Variants in MRPL22 observed in about 807,000 individuals in gnomAD.
The protein encoded by MRPL22 is mitochondrial ribosomal protein L22.
A neutral mutation model predicts 32.4 loss-of-function variants in MRPL22; 27 were observed. That is an observed-to-expected ratio of 0.83 (90% CI 0.61 to 1.15). MRPL22 has a LOEUF of 1.15. MRPL22 is among the 50% of genes most tolerant of loss of function. The pLI, the probability that MRPL22 is intolerant of heterozygous loss-of-function variation, is 0.00. For missense variants in MRPL22, 239 were observed against 260.2 expected, an observed-to-expected ratio of 0.92 and a Z score of 0.56; for synonymous variants, 86 against 87.3, an observed-to-expected ratio of 0.99 and a Z score of 0.08.
chr5:154,966,584 T>C (rs563774003), intron 6 of MRPL22, 102 bp from the exon 7 acceptor site: 18 of 1,232,260 alleles, frequency 1.5e-5, no homozygotes, highest in East Asian at 1.4e-4. Context: ...AGTGAGCCCA[T>C]GTAATCTCAG....
intron 2 of MRPL22, among the ~76,000 whole-genome samples, chr5:154,943,046 G>T (rs1358901945): frequency 6.6e-6 from 1 of 152,140 alleles, no homozygotes; most frequent in African/African-American, 2.4e-5. Flanking sequence ...TGGGGAAAAT[G>T]ACCATAAGAA....
In MRPL22 at chr5:154,941,121, C is replaced by G; in HGVS notation, c.11C>G (p.Ala4Gly). MAA[A>G]VLGQLGALWI... is the part of the protein sequence containing the mutation. ...GCGGGAGGGCGAAAGATGGCGGCGG[C>G]AGTACTGGGACAGTTGGGTAAGGAT... The change falls in exon 1 of 7, where the codon GCA becomes GGA. Residue 4 changes from alanine (A) to glycine (G), a missense_variant. Coordinates refer to ENST00000523037, the MANE Select transcript of MRPL22 (RefSeq NM_014180.4). The G allele has an allele frequency of 6.2e-7, 1 of 1,613,964 alleles. No homozygotes were observed. Among genetic ancestry groups the G allele is most frequent in the Non-Finnish European group, 8.5e-7 (1 of 1,180,034 alleles).
chr5:154,956,418 G>A lies in MRPL22; in HGVS notation c.243G>A (p.Met81Ile). 3 of 1,609,240 alleles carry A rather than the reference G, an allele frequency of 1.9e-6. No individual in the cohort carries two copies. The highest frequency in any genetic ancestry group is 2.6e-6 in the Non-Finnish European group (3 of 1,176,260). Residue 81 changes from methionine (M) to isoleucine (I), a missense_variant, in exon 4 of 7, where the codon ATG (methionine) becomes ATA (isoleucine). Met to Ile is a conservative substitution (Grantham distance 10). Coordinates refer to ENST00000523037, the MANE Select transcript of MRPL22 (RefSeq NM_014180.4). ...AAATAAAATATAGCAAAGACAAGATGTGGTATTTGGCAAAATTGGTAAGCT... is the reference window on the plus strand; with the variant it reads ...AAATAAAATATAGCAAAGACAAGATATGGTATTTGGCAAAATTGGTAAGCT... The part of the protein sequence containing the change: ...RRQIKYSKDK[M>I]WYLAKLIRGM...
At position 154,957,141 on chromosome 5, in the gene MRPL22, G is replaced by A. The variant is rs1764640760; in HGVS notation, c.268G>A (p.Gly90Arg). The change falls in exon 5 of 7, where the codon GGA (glycine) becomes AGA (arginine). Residue 90 changes from glycine to arginine, a missense_variant. Gly to Arg is a moderately radical substitution (Grantham distance 125, BLOSUM62 -2). Transcript: ENST00000523037. ...TCTCACCCTTTAATTCTAGATACGA[G>A]GAATGTCTATTGACCAGGCTTTGGC... ...KMWYLAKLIR[G>R]MSIDQALAQL... The A allele has an allele frequency of 1.2e-6, 2 of 1,611,346 alleles. No homozygotes were observed. Among genetic ancestry groups the A allele is most frequent in the African/African-American group, 2.7e-5 (2 of 74,964 alleles).
chr5:154,941,164 A>G (rs764864463), intron 1 of MRPL22, 26 bp downstream of exon 1: 6 of 1,614,124 alleles, frequency 3.7e-6, no homozygotes, highest in Non-Finnish European at 4.2e-6. Context: ...TGGTTAAGCG[A>G]CAGAAGGGAG....
intron 2 of MRPL22, 52 bp downstream of exon 2, chr5:154,941,317 C>G: frequency 1.2e-6 from 2 of 1,609,180 alleles, no homozygotes; most frequent in Non-Finnish European, 1.7e-6. Flanking sequence ...CTTTAGTATT[C>G]TGCCAGTTGG....
At chr5:154,941,457 G>T (rs1764414502) in intron 2 of MRPL22, among the ~76,000 whole-genome samples, 192 bp downstream of exon 2, 1 of 152,120 alleles carries the variant, frequency 6.6e-6, no homozygotes, top group Non-Finnish European at 1.5e-5. Flanking sequence ...CAGGGATCAG[G>T]ATTACCCATA....
Position 154,957,231 on chromosome 5 carries a change from G to A in MRPL22, c.339+19G>A. The A allele has an allele frequency of 6.3e-7, 1 of 1,594,286 alleles. No individual in the cohort carries two copies. The highest frequency in any genetic ancestry group is 1.1e-5 in the South Asian group (1 of 90,618). ...TAAAGAGGTAAACTTACAAGTTTGG[G>A]TGTGGTAGGGAATGGGGAACTGGGG... On this transcript the variant is annotated intron_variant, in intron 5 of 6. Transcript: ENST00000523037.
At chr5:154,951,699 G>C (rs946500365) in intron 3 of MRPL22, among the ~76,000 whole-genome samples, 1 of 151,688 alleles carries the variant, frequency 6.6e-6, no homozygotes, top group Admixed American at 6.6e-5. Context: ...ACGATGACCA[G>C]CTAATTTTTG....
chr5:154,965,371 T>C (rs1375728901), intron 6 of MRPL22, among the ~76,000 whole-genome samples: 1 of 152,136 alleles, frequency 6.6e-6, no homozygotes, highest in African/African-American at 2.4e-5. Context: ...AGAAGGTAGA[T>C]GGCTACTACT....
chr5:154,960,896 T>C (rs1202026917), intron 6 of MRPL22, among the ~76,000 whole-genome samples: 1 of 152,204 alleles, frequency 6.6e-6, no homozygotes, highest in Non-Finnish European at 1.5e-5. Context: ...GTTTTCTCAA[T>C]CTGCCATACC....
In MRPL22 at chr5:154,957,186, A is replaced by G. The variant is rs200195885; in HGVS notation, c.313A>G (p.Lys105Glu). Residue 105 changes from lysine to glutamate, a missense_variant, in exon 5 of 7, where the codon AAA (lysine) becomes GAA (glutamate). Transcript: ENST00000523037. Reference sequence around the variant, plus strand: ...TTTGGCTCAGTTGGAATTCAATGACAAAAAAGGGGCCAAAATAATTAAAGA... The same window carrying G: ...TTTGGCTCAGTTGGAATTCAATGACGAAAAAGGGGCCAAAATAATTAAAGA... Reference protein sequence around the residue: ...QALAQLEFNDKKGAKIIKEVL... With the variant: ...QALAQLEFNDEKGAKIIKEVL... 1 of 1,613,040 alleles carries G rather than the reference A, an allele frequency of 6.2e-7. No homozygotes were observed. The highest frequency in any genetic ancestry group is 1.3e-5 in the African/African-American group (1 of 75,024).
chr5:154,960,656 T>A (rs1764689570), intron 6 of MRPL22, among the ~76,000 whole-genome samples: 1 of 152,220 alleles, frequency 6.6e-6, no homozygotes, highest in South Asian at 2.1e-4. Flanking sequence ...GTTAAAATGC[T>A]TTGGGAAGCA....
In MRPL22 at chr5:154,950,876, T is replaced by A. The variant is rs753431917; in HGVS notation, c.133T>A (p.Trp45Arg). ...TGCTTCTCTTGACATTTCTCGAAAA[T>A]GGGAGAAGAAGAATAAAATTGTTTA... Reference protein sequence around the residue: ...TSASLDISRKWEKKNKIVYPP... With the variant: ...TSASLDISRKREKKNKIVYPP... The change falls in exon 3 of 7, where the codon TGG becomes AGG. Residue 45 changes from tryptophan to arginine, a missense_variant. Coordinates refer to ENST00000523037, the MANE Select transcript of MRPL22 (RefSeq NM_014180.4). The A allele has an allele frequency of 6.8e-6, 11 of 1,613,790 alleles. No individual in the cohort carries two copies. Among genetic ancestry groups the A allele is most frequent in the Non-Finnish European group, 9.3e-6 (11 of 1,179,838 alleles).
chr5:154,950,380 TCTG>T (rs1441062102), intron 2 of MRPL22, among the ~76,000 whole-genome samples: 1 of 152,234 alleles, frequency 6.6e-6, no homozygotes, highest in Non-Finnish European at 1.5e-5. Context: ...TCTGAAATCC[TCTG>T]CTGTTTCCCA....
rs185259458 is a variant in MRPL22, at chr5:154,960,655, C to T, written c.409+606C>T. 7.5e-4 allele frequency among the ~76,000 whole-genome samples: 114 copies of T among 152,296 alleles called. 1 individual carries two copies. Among genetic ancestry groups the T allele is most frequent in the African/African-American group, 2.6e-3 (107 of 41,572 alleles). ...AATTAAATTAATATAAGTTAAAATG[C>T]TTTGGGAAGCATGATGTGCTGTACA... is the stretch of plus-strand genomic sequence containing the variant. On this transcript the variant is annotated intron_variant, in intron 6 of 6. Coordinates refer to ENST00000523037, the MANE Select transcript of MRPL22 (RefSeq NM_014180.4).
At chr5:154,941,395 G>C (rs891572258) in intron 2 of MRPL22, 130 bp downstream of exon 2, 2 of 1,117,930 alleles carry the variant, frequency 1.8e-6, no homozygotes, top group African/African-American at 3.1e-5. Context: ...GAGACAGCCC[G>C]AGTCTCTGCT....
chr5:154,941,312 G>C, intron 2 of MRPL22, 47 bp downstream of exon 2: 2 of 1,610,096 alleles, frequency 1.2e-6, no homozygotes, highest in African/African-American at 1.3e-5. Context: ...GGCATCTTTA[G>C]TATTCTGCCA....
intron 6 of MRPL22, among the ~76,000 whole-genome samples, chr5:154,962,281 C>T (rs555154433): frequency 9.9e-5 from 15 of 152,220 alleles, no homozygotes; most frequent in African/African-American, 1.9e-4. Flanking sequence ...TCCCAGGCCT[C>T]GGCACAGACC....
Sources: gnomAD v4.1 joint callset for allele counts (sites outside exome capture counted in the v4.1 genomes callset) on GRCh38, gnomAD v4.1.1 for gene constraint, MANE v1.5 for transcripts, NCBI Gene and HGNC (gene_info 2026-07-23, HGNC 2026-07-21) for gene names.